KCNT2: variants seen among roughly 807,000 people sequenced by gnomAD.
KCNT2 encodes the protein potassium sodium-activated channel subfamily T member 2.
In KCNT2, 67 loss-of-function variants were observed where a neutral mutation model predicts 153.8. The observed-to-expected ratio is 0.44, with a 90% CI of 0.36 to 0.53. KCNT2 has a LOEUF of 0.53. Ranked by LOEUF, KCNT2 falls within the 20% of genes least tolerant of loss-of-function variation. The pLI is 0.00. For missense variants in KCNT2, 975 were observed against 1,354.8 expected (o/e 0.72, Z 4.40); for synonymous variants, 500 against 458.8 (o/e 1.09, Z -1.15).
chr1:196,560,365 A>C (rs1478593909), intron 1 of KCNT2, among the ~76,000 whole-genome samples: 1 of 151,954 alleles, frequency 6.6e-6, no homozygotes, highest in Admixed American at 6.6e-5. Flanking sequence ...GCAAATTAAA[A>C]ACAAGATGAT....
At chr1:196,331,522 G>A (rs1209250493) in intron 17 of KCNT2, among the ~76,000 whole-genome samples, 1 of 151,916 alleles carries the variant, frequency 6.6e-6, no homozygotes, top group Non-Finnish European at 1.5e-5. Context: ...CATGTCATGC[G>A]AAAATTATAC....
At chr1:196,438,467 G>C (rs888706510) in intron 8 of KCNT2, among the ~76,000 whole-genome samples, 1 of 151,652 alleles carries the variant, frequency 6.6e-6, no homozygotes, top group South Asian at 2.1e-4. Flanking sequence ...TGGAAATATG[G>C]GCGATCATAG....
At position 196,543,195 on chromosome 1, in the gene KCNT2, A is replaced by G. The variant is rs187286443; in HGVS notation, c.96-50854T>C. Among the ~76,000 whole-genome samples, 53 of 152,298 alleles carry G rather than the reference A, an allele frequency of 3.5e-4. 1 individual carries two copies. In the East Asian group the frequency reaches 0.01, roughly 29 times the overall value. Reference sequence around the variant, plus strand: ...GCTTTATGCATGAGAAATTTTGCTCATGATTTAATTTGTAGCTTTCAAACA... The same window carrying G: ...GCTTTATGCATGAGAAATTTTGCTCGTGATTTAATTTGTAGCTTTCAAACA... On this transcript the variant is annotated intron_variant, in intron 1 of 27. Transcript: ENST00000294725.
At chr1:196,284,248 A>AAAAAAAATATATATATATATATAT in intron 23 of KCNT2, among the ~76,000 whole-genome samples, 1 of 10,050 alleles carries the variant, frequency 1.0e-4, no homozygotes, top group African/African-American at 1.4e-4. Context: ...AAAAAAAAAA[A>AAAAAAAATATATATATATATATAT]ATATATATAT....
At chr1:196,489,762 T>G in intron 3 of KCNT2, 76 bp downstream of exon 3, 1 of 831,000 alleles carries the variant, frequency 1.2e-6, no homozygotes, top group South Asian at 1.6e-5. Context: ...CTACACAACA[T>G]GCTTTAAATT....
At chr1:196,573,205 T>G (rs1660971729) in intron 1 of KCNT2, among the ~76,000 whole-genome samples, 2 of 152,190 alleles carry the variant, frequency 1.3e-5, no homozygotes, top group African/African-American at 4.8e-5. Context: ...TTTTTAAGAT[T>G]TAAGGATAAA....
chr1:196,309,127 T>A (rs1339209113), intron 21 of KCNT2, among the ~76,000 whole-genome samples: 1 of 151,946 alleles, frequency 6.6e-6, no homozygotes, highest in African/African-American at 2.4e-5. Flanking sequence ...CACTAGTGAA[T>A]GGATAAATTA....
At chr1:196,414,978 T>G (rs907317905) in intron 12 of KCNT2, among the ~76,000 whole-genome samples, 4 of 151,904 alleles carry the variant, frequency 2.6e-5, no homozygotes, top group African/African-American at 9.7e-5. Context: ...GTTCATTTTC[T>G]TCCAAATTAA....
chr1:196,425,179 C>G (rs925216193), intron 11 of KCNT2, among the ~76,000 whole-genome samples: 4 of 151,918 alleles, frequency 2.6e-5, no homozygotes, highest in African/African-American at 9.7e-5. Context: ...CTGTGGTGTC[C>G]ACGCTATGCT....
intron 8 of KCNT2, among the ~76,000 whole-genome samples, chr1:196,444,673 C>T (rs748859840): frequency 2.6e-5 from 4 of 151,310 alleles, no homozygotes; most frequent in Non-Finnish European, 5.9e-5. Context: ...GTGAAGAAAG[C>T]AGGGACAAAT....
intron 19 of KCNT2, among the ~76,000 whole-genome samples, chr1:196,323,141 A>G (rs1663497088): frequency 1.3e-5 from 2 of 152,002 alleles, no homozygotes; most frequent in Admixed American, 1.3e-4. Context: ...TTTAGAACTT[A>G]GATCTGAATA....
intron 14 of KCNT2, among the ~76,000 whole-genome samples, chr1:196,361,997 G>C (rs1278613201): frequency 6.6e-6 from 1 of 151,906 alleles, no homozygotes; most frequent in Non-Finnish European, 1.5e-5. Context: ...TCCACCTAAG[G>C]AGGAGGGTGA....
chr1:196,347,848 C>T (rs1358688836), intron 14 of KCNT2, among the ~76,000 whole-genome samples: 1 of 152,046 alleles, frequency 6.6e-6, no homozygotes, highest in Non-Finnish European at 1.5e-5. Context: ...CATTCTTGAC[C>T]CTCAGCTTAA....
Position 196,324,634 on chromosome 1 carries a change from T to C in KCNT2, c.2276+2083A>G, listed in dbSNP as rs551480073. ...GATGACTGACATGTAGTAGTCATTG[T>C]AATTATGAACAGAGGATGGAGGTAA... is the stretch of plus-strand genomic sequence containing the variant. On this transcript the variant is annotated intron_variant, in intron 19 of 27. Transcript: ENST00000294725. Among the ~76,000 whole-genome samples the C allele has an allele frequency of 7.9e-5, 12 of 152,236 alleles. No individual in the cohort carries two copies. In the South Asian group the frequency reaches 2.3e-3, roughly 29 times the overall value.
intron 14 of KCNT2, among the ~76,000 whole-genome samples, chr1:196,355,438 C>T (rs555269900): frequency 1.3e-5 from 2 of 151,586 alleles, no homozygotes; most frequent in South Asian, 4.2e-4. Context: ...AAATGGCCAT[C>T]AAAAGTGGAG....
At chr1:196,273,561 A>G in intron 25 of KCNT2, 2 of 1,027,180 alleles carry the variant, frequency 1.9e-6, no homozygotes, top group Non-Finnish European at 2.9e-6. Context: ...GATGCATGCC[A>G]ACAATCAGTA....
At chr1:196,594,167 G>A (rs900161565) in intron 1 of KCNT2, among the ~76,000 whole-genome samples, 2 of 152,064 alleles carry the variant, frequency 1.3e-5, no homozygotes, top group African/African-American at 4.8e-5. Flanking sequence ...GCAGTTCCCT[G>A]TGTAAATTTC....
chr1:196,229,586 T>C (rs1364985389), intron 27 of KCNT2, among the ~76,000 whole-genome samples: 1 of 152,120 alleles, frequency 6.6e-6, no homozygotes, highest in African/African-American at 2.4e-5. Context: ...GAAATGATTA[T>C]GCTTAGTGAG....
chr1:196,397,453 T>A (rs1671039619), intron 13 of KCNT2, among the ~76,000 whole-genome samples: 1 of 151,526 alleles, frequency 6.6e-6, no homozygotes, highest in Non-Finnish European at 1.5e-5. Flanking sequence ...CTGTTATTTT[T>A]AAATTTCAGT....
Sources: gnomAD v4.1 joint callset for allele counts (sites outside exome capture counted in the v4.1 genomes callset) on GRCh38, gnomAD v4.1.1 for gene constraint, MANE v1.5 for transcripts, NCBI Gene and HGNC (gene_info 2026-07-23, HGNC 2026-07-21) for gene names.